CWC27: variants seen among roughly 807,000 people sequenced by gnomAD.
CWC27 encodes CWC27 spliceosome associated cyclophilin.
CWC27 carries 47 observed loss-of-function variants against 63.6 expected under a neutral mutation model. The ratio of observed to expected loss-of-function variants is 0.74; its 90% confidence interval spans 0.58 to 0.94. The LOEUF (loss-of-function observed/expected upper bound fraction) is 0.94. Among genes scored for constraint, CWC27 ranks in the 40% least tolerant of loss-of-function variants. The pLI, the probability that CWC27 is intolerant of heterozygous loss-of-function variation, is 0.00. For missense variants in CWC27, 495 were observed against 554.3 expected, an observed-to-expected ratio of 0.89 and a Z score of 1.07; for synonymous variants, 175 against 179.8, an observed-to-expected ratio of 0.97 and a Z score of 0.22.
chr5:64,836,001 C>A (rs1328740880), intron 10 of CWC27, among the ~76,000 whole-genome samples: 2 of 151,546 alleles, frequency 1.3e-5, no homozygotes, highest in African/African-American at 4.8e-5. Context: ...ATTACCTAAC[C>A]CAAGAAGAAA....
intron 2 of CWC27, among the ~76,000 whole-genome samples, chr5:64,779,018 C>T (rs1057250580): frequency 6.6e-6 from 1 of 152,010 alleles, no homozygotes; most frequent in African/African-American, 2.4e-5. Context: ...AGGGTGTCTC[C>T]AAGACACTAA....
intron 10 of CWC27, among the ~76,000 whole-genome samples, chr5:64,861,933 T>C (rs1746422307): frequency 6.6e-6 from 1 of 152,250 alleles, no homozygotes; most frequent in Non-Finnish European, 1.5e-5. Flanking sequence ...GTCATTCTTC[T>C]AATGTTACAT....
At chr5:64,932,689 T>C (rs939658500) in intron 11 of CWC27, among the ~76,000 whole-genome samples, 3 of 152,192 alleles carry the variant, frequency 2.0e-5, no homozygotes, top group African/African-American at 7.2e-5. Context: ...TTCTTGTCTC[T>C]TCTTCACCTC....
intron 10 of CWC27, among the ~76,000 whole-genome samples, chr5:64,837,113 G>A (rs1168024570): frequency 6.6e-6 from 1 of 152,068 alleles, no homozygotes; most frequent in African/African-American, 2.4e-5. Flanking sequence ...AGTCATTCAA[G>A]CTCAAGTCTT....
chr5:64,771,476 A>C (rs935766127), intron 1 of CWC27, among the ~76,000 whole-genome samples: 1 of 152,206 alleles, frequency 6.6e-6, no homozygotes, highest in African/African-American at 2.4e-5. Context: ...AAGATGAGGC[A>C]AAGAAATGTA....
At chr5:64,774,488 A>G (rs1743370820) in intron 1 of CWC27, among the ~76,000 whole-genome samples, 1 of 152,184 alleles carries the variant, frequency 6.6e-6, no homozygotes, top group Non-Finnish European at 1.5e-5. Flanking sequence ...TTTTTCTGAA[A>G]TGGTATTTTG....
chr5:64,871,277 T>C (rs1457247279), intron 10 of CWC27, among the ~76,000 whole-genome samples: 1 of 151,918 alleles, frequency 6.6e-6, no homozygotes, highest in Non-Finnish European at 1.5e-5. Context: ...ACAAAGAAAA[T>C]AAACAGCCTG....
At chr5:64,915,177 T>G (rs75881755) in intron 11 of CWC27, among the ~76,000 whole-genome samples, 16,918 of 152,170 alleles carry the variant, frequency 0.11, 2,924 homozygotes, top group African/African-American at 0.37. Flanking sequence ...TTTTCCTCTA[T>G]CCCCTCCTTG....
chr5:64,843,281 CAT>C (rs1486979814), intron 10 of CWC27, among the ~76,000 whole-genome samples: 1 of 152,150 alleles, frequency 6.6e-6, no homozygotes, highest in Non-Finnish European at 1.5e-5. Flanking sequence ...AGCCCACTAC[CAT>C]ATGTTATCAG....
intron 11 of CWC27, among the ~76,000 whole-genome samples, chr5:64,964,077 A>G (rs991452957): frequency 6.6e-6 from 1 of 152,252 alleles, no homozygotes; most frequent in Admixed American, 6.5e-5. Context: ...GACCTCAAAC[A>G]GTTGGCTGGA....
intron 11 of CWC27, among the ~76,000 whole-genome samples, chr5:64,911,262 G>A (rs1209712357): frequency 2.6e-5 from 4 of 152,154 alleles, no homozygotes; most frequent in Non-Finnish European, 5.9e-5. Flanking sequence ...TTGCTGTCCA[G>A]TGCACCCATA....
intron 11 of CWC27, among the ~76,000 whole-genome samples, chr5:64,943,253 A>G (rs913110862): frequency 6.6e-6 from 1 of 152,230 alleles, no homozygotes; most frequent in Admixed American, 6.5e-5. Context: ...AGATATAAGG[A>G]TTTATAACAT....
intron 11 of CWC27, among the ~76,000 whole-genome samples, chr5:64,920,289 T>C (rs1332120075): frequency 6.6e-6 from 1 of 152,154 alleles, no homozygotes; most frequent in African/African-American, 2.4e-5. Flanking sequence ...GGCTTACGTA[T>C]ATTGAACCAA....
At chr5:64,845,032 G>A (rs1745938757) in intron 10 of CWC27, 1 of 456,588 alleles carries the variant, frequency 2.2e-6, no homozygotes, top group Admixed American at 2.3e-5. Flanking sequence ...GGCCTGATGA[G>A]AAGCCATCAC....
intron 10 of CWC27, among the ~76,000 whole-genome samples, chr5:64,860,673 A>G (rs1334634585): frequency 6.6e-6 from 1 of 152,210 alleles, no homozygotes; most frequent in Non-Finnish European, 1.5e-5. Flanking sequence ...TTTTTGAATG[A>G]GTATTTTGCA....
chr5:64,788,450 C>G (rs1315301913), intron 6 of CWC27, among the ~76,000 whole-genome samples: 2 of 151,598 alleles, frequency 1.3e-5, no homozygotes, highest in Admixed American at 6.6e-5. Flanking sequence ...GTTTTTTCTC[C>G]TTGTGGGCTA....
At chr5:64,981,180 C>T (rs1179119149) in intron 13 of CWC27, among the ~76,000 whole-genome samples, 2 of 152,074 alleles carry the variant, frequency 1.3e-5, no homozygotes, top group African/African-American at 2.4e-5. Context: ...TGATCCCAAA[C>T]TCAAAGATAA....
chr5:64,857,697 G>A (rs970898930), intron 10 of CWC27, among the ~76,000 whole-genome samples: 3 of 152,104 alleles, frequency 2.0e-5, no homozygotes, highest in African/African-American at 7.2e-5. Context: ...AAAACTCATC[G>A]TTGGCCTCAT....
chr5:64,943,929 C>G (rs1748539386), intron 11 of CWC27, among the ~76,000 whole-genome samples: 1 of 152,026 alleles, frequency 6.6e-6, no homozygotes, highest in South Asian at 2.1e-4. Context: ...AGAAGAAAAC[C>G]GTTACCATAA....
Sources: gnomAD v4.1 joint callset for allele counts (sites outside exome capture counted in the v4.1 genomes callset) on GRCh38, gnomAD v4.1.1 for gene constraint, MANE v1.5 for transcripts, NCBI Gene and HGNC (gene_info 2026-07-23, HGNC 2026-07-21) for gene names.